The following HS2ST1 variants were observed in gnomAD, a reference collection of about 807,000 sequenced individuals.
The protein encoded by HS2ST1 is 2-O-sulfotransferase.
HS2ST1 carries 18 observed loss-of-function variants against 42.9 expected under a neutral mutation model. That is an observed-to-expected ratio of 0.42 (90% CI 0.29 to 0.62). HS2ST1 has a LOEUF of 0.62. HS2ST1 is among the 20% of genes least tolerant of loss of function. The pLI is 0.21. For missense variants in HS2ST1, 334 were observed against 433.8 expected (o/e 0.77, Z 2.04); for synonymous variants, 146 against 152.9 (o/e 0.95, Z 0.33).
At chr1:87,091,740 A>G (rs918769844) in intron 3 of HS2ST1, among the ~76,000 whole-genome samples, 1 of 152,088 alleles carries the variant, frequency 6.6e-6, no homozygotes, top group Non-Finnish European at 1.5e-5. Flanking sequence ...GTAAGAATCA[A>G]GATAGCTGTA....
chr1:87,027,986 G>A (rs1337193096), intron 1 of HS2ST1, among the ~76,000 whole-genome samples: 4 of 152,166 alleles, frequency 2.6e-5, no homozygotes, highest in South Asian at 2.1e-4. Context: ...CACCACGCCC[G>A]GCTGGGACAT....
intron 1 of HS2ST1, among the ~76,000 whole-genome samples, chr1:86,993,749 G>A (rs568147355): frequency 8.5e-5 from 13 of 152,296 alleles, no homozygotes; most frequent in Middle Eastern, 3.4e-3. Context: ...GTTCAAAAGT[G>A]TATCTCTTTC....
intron 4 of HS2ST1, among the ~76,000 whole-genome samples, chr1:87,093,599 C>A (rs1651996632): frequency 6.6e-6 from 1 of 152,054 alleles, no homozygotes; most frequent in Non-Finnish European, 1.5e-5. Flanking sequence ...TACCTACTGT[C>A]TTTTCCAAAA....
At chr1:86,925,644 G>T (rs967027976) in intron 1 of HS2ST1, among the ~76,000 whole-genome samples, 1 of 152,280 alleles carries the variant, frequency 6.6e-6, no homozygotes, top group Middle Eastern at 3.4e-3. Flanking sequence ...ACTATCATGA[G>T]AACAGAATGG....
chr1:87,047,200 C>G lies in HS2ST1; in HGVS notation c.125-25734C>G, dbSNP rs1314065617. Among the ~76,000 whole-genome samples the G allele has an allele frequency of 5.3e-5, 8 of 152,212 alleles. No individual in the cohort carries two copies. The East Asian group carries it at 1.3e-3, about 26-fold the overall frequency. ...CATTGTAGTTTTCCTTTTATTTTCT[C>G]TAATGACAAACGTCTTTCATCTTCT... On this transcript the variant is annotated intron_variant, in intron 1 of 6. Transcript: ENST00000370550.
chr1:87,092,905 T>C (rs1651980088), intron 4 of HS2ST1, among the ~76,000 whole-genome samples: 1 of 152,046 alleles, frequency 6.6e-6, no homozygotes, highest in African/African-American at 2.4e-5. Flanking sequence ...AATCGTGTTT[T>C]CTTTATGGTT....
chr1:86,920,597 A>G (rs1339234490), intron 1 of HS2ST1, among the ~76,000 whole-genome samples: 1 of 152,102 alleles, frequency 6.6e-6, no homozygotes, highest in Non-Finnish European at 1.5e-5. Context: ...TCTGTCCACC[A>G]CTCTGGTAGG....
chr1:87,040,961 T>G (rs1650505756), intron 1 of HS2ST1, among the ~76,000 whole-genome samples: 1 of 152,116 alleles, frequency 6.6e-6, no homozygotes, highest in Non-Finnish European at 1.5e-5. Flanking sequence ...TTGAAGGAAT[T>G]TACCCATCAG....
At chr1:87,077,525 C>T (rs1194303673) in intron 2 of HS2ST1, among the ~76,000 whole-genome samples, 1 of 152,210 alleles carries the variant, frequency 6.6e-6, no homozygotes, top group Admixed American at 6.5e-5. Context: ...TTAATTACCT[C>T]TTCTAAGTTA....
At chr1:87,075,858 A>C (rs1422943414) in intron 2 of HS2ST1, among the ~76,000 whole-genome samples, 1 of 152,086 alleles carries the variant, frequency 6.6e-6, no homozygotes, top group African/African-American at 2.4e-5. Flanking sequence ...TATCCTTAGA[A>C]ATAGTTGTCA....
At chr1:87,101,181 T>C (rs1327573258) in intron 5 of HS2ST1, among the ~76,000 whole-genome samples, 1 of 136,910 alleles carries the variant, frequency 7.3e-6, no homozygotes, top group African/African-American at 2.8e-5. Flanking sequence ...TTTTTTTTTT[T>C]TTTTGAGGCA....
chr1:87,058,902 AC>A (rs1651046128), intron 1 of HS2ST1, among the ~76,000 whole-genome samples: 1 of 151,656 alleles, frequency 6.6e-6, no homozygotes, highest in Admixed American at 6.6e-5. Flanking sequence ...TACTAAAAAT[AC>A]AAAAAATTAG....
At chr1:86,943,611 A>G (rs757801920) in intron 1 of HS2ST1, among the ~76,000 whole-genome samples, 8 of 151,966 alleles carry the variant, frequency 5.3e-5, no homozygotes, top group African/African-American at 7.2e-5. Context: ...GGTTCCAGCT[A>G]TTTGTGAAGC....
intron 1 of HS2ST1, among the ~76,000 whole-genome samples, chr1:86,986,390 T>C (rs1412023804): frequency 1.3e-5 from 2 of 152,174 alleles, no homozygotes; most frequent in African/African-American, 4.8e-5. Context: ...AACGTGCTAT[T>C]AACCAGCCAG....
At chr1:86,946,097 T>A (rs1411754124) in intron 1 of HS2ST1, among the ~76,000 whole-genome samples, 1 of 152,232 alleles carries the variant, frequency 6.6e-6, no homozygotes, top group Non-Finnish European at 1.5e-5. Flanking sequence ...TTTTGGCACC[T>A]TAAATTTAGA....
chr1:87,078,553 T>A (rs1386392795), intron 2 of HS2ST1, among the ~76,000 whole-genome samples: 2 of 152,240 alleles, frequency 1.3e-5, no homozygotes, highest in East Asian at 3.8e-4. Context: ...AAATTTTCTA[T>A]GACTAAAGTC....
At chr1:87,024,242 C>T (rs1650027840) in intron 1 of HS2ST1, among the ~76,000 whole-genome samples, 1 of 152,072 alleles carries the variant, frequency 6.6e-6, no homozygotes, top group Non-Finnish European at 1.5e-5. Context: ...TGGCTCACAC[C>T]TATAATCCCA....
intron 5 of HS2ST1, among the ~76,000 whole-genome samples, chr1:87,099,894 G>C (rs1652158684): frequency 6.6e-6 from 1 of 152,192 alleles, no homozygotes. Flanking sequence ...ACCCAGCAGG[G>C]CAGTCATTAA....
At chr1:86,999,694 C>T (rs113633385) in intron 1 of HS2ST1, among the ~76,000 whole-genome samples, 1 of 13,040 alleles carries the variant, frequency 7.7e-5, no homozygotes. Flanking sequence ...ATTATGCTTT[C>T]CCCCCCAACT....
Sources: gnomAD v4.1 joint callset for allele counts (sites outside exome capture counted in the v4.1 genomes callset) on GRCh38, gnomAD v4.1.1 for gene constraint, MANE v1.5 for transcripts, NCBI Gene and HGNC (gene_info 2026-07-23, HGNC 2026-07-21) for gene names.